Variants in KCNQ2 observed in about 807,000 individuals in gnomAD.
KCNQ2 encodes the protein potassium voltage-gated channel subfamily KQT member 2.
Under a neutral mutation model 84.8 loss-of-function variants are expected in KCNQ2, and 14 were observed. The ratio of observed to expected loss-of-function variants is 0.17; its 90% CI spans 0.11 to 0.26. The LOEUF is 0.26. KCNQ2 is among the 10% of genes least tolerant of loss of function. The pLI, the probability that KCNQ2 is intolerant of heterozygous loss-of-function variation, is 1.00. For synonymous variants in KCNQ2, 599 were observed against 554.1 expected, an observed-to-expected ratio of 1.08 and a Z score of -1.14; for missense variants, 788 against 1,254.0, an observed-to-expected ratio of 0.63 and a Z score of 5.61.
Position 63,404,023 on chromosome 20 carries a change from C to G in KCNQ2, c.*2621G>C, listed in dbSNP as rs528162739. The G allele has an allele frequency of 1.3e-5, 2 of 152,706 alleles. No homozygotes were observed. The highest frequency in any genetic ancestry group is 3.9e-4 in the East Asian group (2 of 5,194). 9.5% of individuals were successfully genotyped at this position (152,706 alleles called of 1,614,324 possible). On this transcript the variant is annotated 3_prime_UTR_variant, in exon 17 of 17. Transcript: ENST00000359125. ...TCCCAAAACAGGGCCCCGCAACCAT[C>G]CCAGGACGTGCACCTTCCCTCTTCC... is the stretch of plus-strand genomic sequence containing the variant.
intron 1 of KCNQ2, among the ~76,000 whole-genome samples, chr20:63,457,119 TC>T (rs2081822512): frequency 1.3e-5 from 2 of 151,998 alleles, no homozygotes; most frequent in East Asian, 1.9e-4. Context: ...GCTGACAGAG[TC>T]CAGGCGTGAA....
At chr20:63,465,770 T>G (rs1020915094) in intron 1 of KCNQ2, among the ~76,000 whole-genome samples, 3 of 152,290 alleles carry the variant, frequency 2.0e-5, no homozygotes, top group Middle Eastern at 3.4e-3. Context: ...GGCACCGTTT[T>G]GAGACTCCCA....
chr20:63,456,219 G>A (rs769006462), intron 1 of KCNQ2, among the ~76,000 whole-genome samples: 86 of 151,738 alleles, frequency 5.7e-4, no homozygotes, highest in Middle Eastern at 3.4e-3. Context: ...GGTCTCCCCC[G>A]CCTTCCTTCC....
At chr20:63,413,719 C>T in intron 14 of KCNQ2, 138 bp from the exon 15 acceptor site, 2 of 997,350 alleles carry the variant, frequency 2.0e-6, no homozygotes, top group South Asian at 1.4e-5. Context: ...CCCACCAGCT[C>T]CACACACAGA....
chr20:63,423,888 A>C (rs2080548330), intron 11 of KCNQ2: 2 of 520,422 alleles, frequency 3.8e-6, no homozygotes, highest in Non-Finnish European at 7.0e-6. Context: ...CCCTGGGGCC[A>C]GACTTGTGGG....
chr20:63,453,489 CTCTG>C (rs1411818510), intron 1 of KCNQ2, among the ~76,000 whole-genome samples: 4 of 152,216 alleles, frequency 2.6e-5, no homozygotes, highest in Non-Finnish European at 2.9e-5. Flanking sequence ...GCGGGCGATC[CTCTG>C]TCTGCCTAAC....
In KCNQ2 at chr20:63,408,599, C is replaced by A. The variant is rs2080020774; in HGVS notation, c.1764-63G>T. 4 of 1,587,740 alleles carry A rather than the reference C, an allele frequency of 2.5e-6. No individual in the cohort carries two copies. The highest frequency in any genetic ancestry group is 3.4e-6 in the Non-Finnish European group (4 of 1,170,504). ...GGGTGCAGCAGGGCCCCTGCCCTCT[C>A]CTCCTGGACCAGGCCACAGTGCCCC... On this transcript the variant is annotated intron_variant, in intron 15 of 16. Transcript: ENST00000359125. This position sits in a 1 kb window ranked among gnomAD's most constrained non-coding sequence, Gnocchi z 5.0.
chr20:63,435,596 T>A (rs921486620), intron 7 of KCNQ2, among the ~76,000 whole-genome samples: 2 of 151,948 alleles, frequency 1.3e-5, no homozygotes, highest in African/African-American at 2.4e-5. Context: ...GGCCAGAGAG[T>A]ACACGGCGGC....
intron 5 of KCNQ2, among the ~76,000 whole-genome samples, chr20:63,442,011 C>G (rs1215899386): frequency 6.6e-6 from 1 of 152,178 alleles, no homozygotes; most frequent in Non-Finnish European, 1.5e-5. Context: ...AGAGTGGGGC[C>G]TGCAGAGCCA....
At chr20:63,453,902 A>G (rs1257300347) in intron 1 of KCNQ2, among the ~76,000 whole-genome samples, 1 of 152,010 alleles carries the variant, frequency 6.6e-6, no homozygotes. Context: ...AGCCCCACAG[A>G]CTTGAATTCT....
At chr20:63,419,046 G>T (rs985474962) in intron 12 of KCNQ2, among the ~76,000 whole-genome samples, 23 of 152,146 alleles carry the variant, frequency 1.5e-4, no homozygotes, top group African/African-American at 4.6e-4. Flanking sequence ...GGGAGGTGCG[G>T]GTCACGGTGC....
chr20:63,405,206 G>A lies in KCNQ2; in HGVS notation c.*1438C>T, dbSNP rs1016139762. 6.6e-6 allele frequency: 1 copy of A among 152,266 alleles called. No individual in the cohort carries two copies. The highest frequency in any genetic ancestry group is 2.4e-5 in the African/African-American group (1 of 41,452). The allele number at this position is 152,266 out of a possible 1,614,324, so 9.4% of individuals were successfully genotyped here. On this transcript the variant is annotated 3_prime_UTR_variant, in exon 17 of 17. Transcript: ENST00000359125. Reference sequence around the variant, plus strand: ...ACTCCCCTGCACTTGCTCTGCAGGAGTATTTGCGCCCACGACCCCAGCCCT... The same window carrying A: ...ACTCCCCTGCACTTGCTCTGCAGGAATATTTGCGCCCACGACCCCAGCCCT...
In KCNQ2 at chr20:63,408,255, G is replaced by A. The variant is rs1393144944; in HGVS notation, c.1887+158C>T. 1 of 946,728 alleles carries A rather than the reference G, an allele frequency of 1.1e-6. No individual in the cohort carries two copies. Among genetic ancestry groups the A allele is most frequent in the Non-Finnish European group, 1.6e-6 (1 of 630,804 alleles). The allele number at this position is 946,728 out of a possible 1,614,324, so 58.6% of individuals were successfully genotyped here. A position where few individuals can be genotyped will look rare whatever the true frequency, so the allele number is the denominator to read the frequency against. ...GGAGGCTCACGGTGGGGTGTGAGGG[G>A]TCTGCACAGAGCAGCTGTCAGTGGT... On this transcript the variant is annotated intron_variant, in intron 16 of 16. Transcript: ENST00000359125. This position sits in a 1 kb window ranked among gnomAD's most constrained non-coding sequence, Gnocchi z 5.0.
intron 12 of KCNQ2, 56 bp from the exon 13 acceptor site, chr20:63,415,182 C>T: frequency 4.1e-6 from 6 of 1,462,800 alleles, no homozygotes; most frequent in Non-Finnish European, 5.6e-6. Flanking sequence ...AGTCACTCTG[C>T]AAAGAACACA....
Position 63,406,630 on chromosome 20 carries a change from G to T in KCNQ2, c.*14C>A. 6.3e-7 allele frequency: 1 copy of T among 1,582,324 alleles called. No individual in the cohort carries two copies. Among genetic ancestry groups the T allele is most frequent in the Non-Finnish European group, 8.5e-7 (1 of 1,169,950 alleles). On this transcript the variant is annotated 3_prime_UTR_variant, in exon 17 of 17. Coordinates refer to ENST00000359125, the MANE Select transcript of KCNQ2 (RefSeq NM_172107.4). ...GAGGAGGGCCGCGGGCGGGTCCACT[G>T]GCCCAGCGCCGCCTCACTTCCTGGG...
intron 5 of KCNQ2, among the ~76,000 whole-genome samples, chr20:63,441,733 G>A (rs1170198957): frequency 1.3e-5 from 2 of 152,182 alleles, no homozygotes; most frequent in East Asian, 3.9e-4. Flanking sequence ...CCCCACCCAA[G>A]CCCCGACTGG....
At chr20:63,413,726 C>G in intron 14 of KCNQ2, 145 bp from the exon 15 acceptor site, 1 of 951,828 alleles carries the variant, frequency 1.1e-6, no homozygotes, top group Non-Finnish European at 1.6e-6. Flanking sequence ...GCTCCACACA[C>G]AGAAGGGCCT....
At position 63,401,920 on chromosome 20, in the gene KCNQ2, G is replaced by A. The variant is rs2079817088; in HGVS notation, c.*4724C>T. ...ACCCTCCACCAGGTCCAAGCCTCGT[G>A]AGCCATCCCTCTCATACCACGTCTG... On this transcript the variant is annotated 3_prime_UTR_variant, in exon 17 of 17. Coordinates refer to ENST00000359125, the MANE Select transcript of KCNQ2 (RefSeq NM_172107.4). 1.9e-5 allele frequency: 3 copies of A among 160,288 alleles called. No individual in the cohort carries two copies. The highest frequency in any genetic ancestry group is 3.9e-5 in the Non-Finnish European group (3 of 76,924). 9.9% of individuals were successfully genotyped at this position (160,288 alleles called of 1,614,324 possible). A position where few individuals can be genotyped will look rare whatever the true frequency, so the allele number is the denominator to read the frequency against.
chr20:63,426,438 C>T (rs1453729119), intron 10 of KCNQ2, among the ~76,000 whole-genome samples: 1 of 151,958 alleles, frequency 6.6e-6, no homozygotes, highest in Non-Finnish European at 1.5e-5. Flanking sequence ...GCAAGCTGGA[C>T]AGGCTGAGCA....
Sources: allele counts gnomAD v4.1 joint callset (sites outside exome capture counted in the v4.1 genomes callset), GRCh38; gene constraint gnomAD v4.1.1; non-coding constraint Gnocchi (gnomAD v3.1); transcripts MANE v1.5; gene names NCBI Gene and HGNC (gene_info 2026-07-23, HGNC 2026-07-21).